CCDC178: variants seen among roughly 807,000 people sequenced by gnomAD.
CCDC178 encodes coiled-coil domain-containing protein 178.
Under a neutral mutation model 117.4 loss-of-function variants are expected in CCDC178, and 126 were observed. The observed-to-expected ratio is 1.07, with a 90% CI of 0.93 to 1.24. The LOEUF is 1.24. CCDC178 is among the 50% of genes most tolerant of loss of function. CCDC178 has a pLI of 0.00. For synonymous variants in CCDC178, 283 were observed against 313.4 expected, an observed-to-expected ratio of 0.90 and a Z score of 1.02; for missense variants, 1,030 against 986.9, an observed-to-expected ratio of 1.04 and a Z score of -0.59.
chr18:33,154,774 A>G (rs2058375998), intron 20 of CCDC178, among the ~76,000 whole-genome samples: 1 of 152,160 alleles, frequency 6.6e-6, no homozygotes, highest in South Asian at 2.1e-4. Context: ...CAAAACTTGC[A>G]TTAAGACATG....
At chr18:33,190,909 A>G (rs2058850184) in intron 20 of CCDC178, among the ~76,000 whole-genome samples, 1 of 152,118 alleles carries the variant, frequency 6.6e-6, no homozygotes, top group Admixed American at 6.5e-5. Context: ...ATAGTGCAGC[A>G]ATATACTCAG....
chr18:33,306,412 T>TTGTGTGTGTGTGTG lies in CCDC178; in HGVS notation c.1023-13114_1023-13101dup, dbSNP rs71159815. Among the ~76,000 whole-genome samples, 43 of 126,224 alleles carry TTGTGTGTGTGTGTG rather than the reference T, an allele frequency of 3.4e-4. 2 individuals are homozygous for TTGTGTGTGTGTGTG. Among genetic ancestry groups the TTGTGTGTGTGTGTG allele is most frequent in the African/African-American group, 4.8e-4 (16 of 33,240 alleles). The allele number at this position is 126,224 out of a possible 152,430, so 82.8% of individuals were successfully genotyped here. A position where few individuals can be genotyped will look rare whatever the true frequency, so the allele number is the denominator to read the frequency against. On this transcript the variant is annotated intron_variant, in intron 11 of 22. Transcript: ENST00000383096. The stretch of plus-strand genomic sequence containing the variant: ...GTCCAAGGTAACAGCTATTGGATCT[T>TTGTGTGTGTGTGTG]TGTGTGTGTGTGTGTGTGTGTGTGT...
At chr18:33,120,155 G>T (rs1406365424) in intron 20 of CCDC178, among the ~76,000 whole-genome samples, 1 of 151,710 alleles carries the variant, frequency 6.6e-6, no homozygotes, top group Non-Finnish European at 1.5e-5. Flanking sequence ...TGCACGTTAT[G>T]CACATGTACC....
intron 20 of CCDC178, among the ~76,000 whole-genome samples, chr18:33,145,357 C>T (rs2058255116): frequency 6.6e-6 from 1 of 152,116 alleles, no homozygotes; most frequent in Non-Finnish European, 1.5e-5. Flanking sequence ...ATTTTCCAGG[C>T]TCAGGACAGG....
At chr18:33,289,170 G>A (rs2060137166) in intron 12 of CCDC178, among the ~76,000 whole-genome samples, 1 of 152,060 alleles carries the variant, frequency 6.6e-6, no homozygotes. Context: ...ATGTAGCAGT[G>A]TAAGTCATTC....
chr18:33,227,567 T>TAC (rs1700375335), intron 15 of CCDC178, among the ~76,000 whole-genome samples: 2 of 143,976 alleles, frequency 1.4e-5, no homozygotes, highest in African/African-American at 5.1e-5. Context: ...TATATATATA[T>TAC]ATATATATAT....
intron 22 of CCDC178, among the ~76,000 whole-genome samples, chr18:32,949,120 T>A (rs2054418670): frequency 6.6e-6 from 1 of 152,142 alleles, no homozygotes; most frequent in African/African-American, 2.4e-5. Flanking sequence ...GTTAACCTTA[T>A]CTTTGTTCGT....
chr18:33,057,670 T>C (rs1157005635), intron 21 of CCDC178, among the ~76,000 whole-genome samples: 2 of 152,086 alleles, frequency 1.3e-5, no homozygotes, highest in African/African-American at 4.8e-5. Context: ...GTTTGGTATT[T>C]TTTTAGTAGA....
chr18:33,038,714 T>G (rs2056490335), intron 21 of CCDC178, among the ~76,000 whole-genome samples: 1 of 152,028 alleles, frequency 6.6e-6, no homozygotes, highest in Non-Finnish European at 1.5e-5. Context: ...TGAGGTAGAA[T>G]GAGGTTGTCT....
intron 20 of CCDC178, among the ~76,000 whole-genome samples, chr18:33,178,409 C>T (rs536015006): frequency 3.9e-5 from 6 of 152,124 alleles, no homozygotes; most frequent in South Asian, 2.1e-4. Context: ...GCCTGGATTA[C>T]CGTAAGAATC....
intron 21 of CCDC178, among the ~76,000 whole-genome samples, chr18:33,048,970 T>A (rs191767800): frequency 1.8e-4 from 28 of 152,264 alleles, no homozygotes; most frequent in Non-Finnish European, 3.8e-4. Flanking sequence ...AGATAACTTG[T>A]CAATATTTTG....
At chr18:32,938,457 A>G (rs1170545070) in intron 22 of CCDC178, 1 of 166,588 alleles carries the variant, frequency 6.0e-6, no homozygotes, top group Non-Finnish European at 1.3e-5. Context: ...AGAACAAATT[A>G]TAATGATGGT....
At chr18:33,243,862 A>T (rs1037547778) in intron 15 of CCDC178, among the ~76,000 whole-genome samples, 4 of 151,954 alleles carry the variant, frequency 2.6e-5, no homozygotes, top group Admixed American at 2.0e-4. Flanking sequence ...ATCTTCATTG[A>T]TATCCTCAAA....
chr18:33,159,503 T>C (rs1335119824), intron 20 of CCDC178, among the ~76,000 whole-genome samples: 2 of 152,102 alleles, frequency 1.3e-5, no homozygotes, highest in Non-Finnish European at 2.9e-5. Flanking sequence ...GGAAAAGAAT[T>C]TGCTTTCTTG....
At position 33,301,396 on chromosome 18, in the gene CCDC178, A is replaced by T. The variant is rs1404714443; in HGVS notation, c.1023-8084T>A. ...GGCAGAGGAAAATATGGGGTTGGAG[A>T]CCCCACAGAGAATCCCCACTGGGGC... On this transcript the variant is annotated intron_variant, in intron 11 of 22. Transcript: ENST00000383096. 3.3e-5 allele frequency among the ~76,000 whole-genome samples: 5 copies of T among 152,098 alleles called. No individual in the cohort carries two copies. In the South Asian group the frequency reaches 1.0e-3, roughly 31 times the overall value.
intron 21 of CCDC178, among the ~76,000 whole-genome samples, chr18:33,041,573 G>C (rs1451952297): frequency 6.6e-6 from 1 of 151,092 alleles, no homozygotes; most frequent in African/African-American, 2.4e-5. Flanking sequence ...AGTCTAAGAA[G>C]AAAATGGCAT....
At chr18:33,373,653 G>GATCACAT (rs1388580487) in intron 5 of CCDC178, among the ~76,000 whole-genome samples, 95 of 152,198 alleles carry the variant, frequency 6.2e-4, no homozygotes, top group African/African-American at 2.2e-3. Context: ...TATAAGAATG[G>GATCACAT]ATCACATTGC....
chr18:32,946,770 T>TTTTTTC (rs1352463388), intron 22 of CCDC178, among the ~76,000 whole-genome samples: 6 of 150,988 alleles, frequency 4.0e-5, no homozygotes, highest in Non-Finnish European at 4.4e-5. Context: ...TTAGTGTCTT[T>TTTTTTC]TTTTTCTTTT....
rs1001477043 is a variant in CCDC178, at chr18:33,181,093, G to A, written c.2238+30803C>T. 2.6e-5 allele frequency among the ~76,000 whole-genome samples: 4 copies of A among 151,734 alleles called. No homozygotes were observed. In the South Asian group the frequency reaches 6.2e-4, roughly 24 times the overall value. ...GAGGAAAAAAAGTACAATTGATTGC[G>A]TGGCCAAATTTCTGTTCATGCCTGC... is the stretch of plus-strand genomic sequence containing the variant. On this transcript the variant is annotated intron_variant, in intron 20 of 22. Transcript: ENST00000383096.
Sources: allele counts gnomAD v4.1 joint callset (sites outside exome capture counted in the v4.1 genomes callset), GRCh38; gene constraint gnomAD v4.1.1; transcripts MANE v1.5; gene names NCBI Gene and HGNC (gene_info 2026-07-23, HGNC 2026-07-21).